Variants in CNTNAP2 observed in about 807,000 individuals in gnomAD.
CNTNAP2 encodes the protein contactin associated protein 2.
A neutral mutation model predicts 155.2 loss-of-function variants in CNTNAP2; 98 were observed. The observed-to-expected ratio is 0.63, with a 90% CI of 0.54 to 0.75. The LOEUF (loss-of-function observed/expected upper bound fraction) is 0.75. Among genes scored for constraint, CNTNAP2 ranks in the 30% least tolerant of loss-of-function variants. The probability of loss-of-function intolerance (pLI) is 0.00; values close to 1 mark genes in which losing one functional copy is unlikely to be tolerated. For missense variants in CNTNAP2, 1,727 were observed against 1,688.1 expected (o/e 1.02, Z -0.40); for synonymous variants, 651 against 631.2 (o/e 1.03, Z -0.47).
In CNTNAP2 at chr7:147,691,287, T is replaced by A. The variant is rs1796082961; in HGVS notation, c.2098+51981T>A. On this transcript the variant is annotated intron_variant, in intron 13 of 23. Transcript: ENST00000361727. ...TTAAGTTTCATCTGTATTATTAACA[T>A]TTTTTCCGTTCTCTCTTCAGTTTGA... Among the ~76,000 whole-genome samples, 3 of 147,578 alleles carry A rather than the reference T, an allele frequency of 2.0e-5. No individual in the cohort carries two copies. The South Asian group carries it at 6.2e-4, about 31-fold the overall frequency.
intron 1 of CNTNAP2, among the ~76,000 whole-genome samples, chr7:146,290,476 C>A (rs1370971584): frequency 6.6e-6 from 1 of 152,168 alleles, no homozygotes; most frequent in Non-Finnish European, 1.5e-5. Flanking sequence ...AATTCTGAAG[C>A]ACAGCAAAGC....
intron 18 of CNTNAP2, among the ~76,000 whole-genome samples, chr7:148,200,809 T>C (rs2116730852): frequency 6.6e-6 from 1 of 152,336 alleles, no homozygotes; most frequent in South Asian, 2.1e-4. Flanking sequence ...GATGTGTGAC[T>C]GCAGGCAGGT....
At chr7:147,655,969 TC>T (rs1795519703) in intron 13 of CNTNAP2, among the ~76,000 whole-genome samples, 1 of 152,250 alleles carries the variant, frequency 6.6e-6, no homozygotes, top group Non-Finnish European at 1.5e-5. Flanking sequence ...AGCTGGAACT[TC>T]TAGGTAACTT....
chr7:147,608,192 A>G (rs1801109077), intron 12 of CNTNAP2, among the ~76,000 whole-genome samples: 1 of 138,920 alleles, frequency 7.2e-6, no homozygotes, highest in African/African-American at 2.7e-5. Context: ...AATAATTATT[A>G]TCTTACTGTT....
At chr7:147,922,043 C>A (rs1800291135) in intron 14 of CNTNAP2, among the ~76,000 whole-genome samples, 1 of 152,166 alleles carries the variant, frequency 6.6e-6, no homozygotes, top group Non-Finnish European at 1.5e-5. Flanking sequence ...TAGCCATATA[C>A]AAATTATCCC....
chr7:146,232,866 T>C (rs1799409277), intron 1 of CNTNAP2, among the ~76,000 whole-genome samples: 1 of 152,048 alleles, frequency 6.6e-6, no homozygotes, highest in South Asian at 2.1e-4. Context: ...GTCAAAGACA[T>C]TGGGGGATAC....
chr7:147,757,740 C>T (rs1797233585), intron 13 of CNTNAP2, among the ~76,000 whole-genome samples: 1 of 152,066 alleles, frequency 6.6e-6, no homozygotes, highest in South Asian at 2.1e-4. Context: ...TAGCCTGGAT[C>T]TTAATAATTA....
At chr7:146,777,790 A>C (rs1333742511) in intron 2 of CNTNAP2, among the ~76,000 whole-genome samples, 1 of 152,120 alleles carries the variant, frequency 6.6e-6, no homozygotes, top group Non-Finnish European at 1.5e-5. Flanking sequence ...GGACAACAAA[A>C]TATTTTCTTC....
intron 4 of CNTNAP2, among the ~76,000 whole-genome samples, chr7:147,102,792 G>T (rs1269999742): frequency 1.3e-5 from 2 of 152,020 alleles, no homozygotes; most frequent in African/African-American, 4.8e-5. Flanking sequence ...AAAAAGAAAG[G>T]CAGTGGGTTA....
intron 3 of CNTNAP2, among the ~76,000 whole-genome samples, chr7:147,000,128 T>C (rs1052415456): frequency 1.3e-5 from 2 of 151,950 alleles, no homozygotes; most frequent in Non-Finnish European, 2.9e-5. Context: ...AGAATCCTCT[T>C]CCACTTACGA....
chr7:146,621,498 T>C (rs1045643161), intron 1 of CNTNAP2, among the ~76,000 whole-genome samples: 5 of 152,208 alleles, frequency 3.3e-5, no homozygotes, highest in Admixed American at 6.5e-5. Flanking sequence ...TCTCAGACTT[T>C]ACTTACTTAT....
intron 11 of CNTNAP2, among the ~76,000 whole-genome samples, chr7:147,543,555 G>T (rs755982504): frequency 2.0e-5 from 3 of 152,090 alleles, no homozygotes; most frequent in Non-Finnish European, 1.5e-5. Flanking sequence ...GTTCTGTTTT[G>T]CATTCTCATT....
intron 21 of CNTNAP2, among the ~76,000 whole-genome samples, chr7:148,317,415 G>A (rs754036728): frequency 2.4e-4 from 36 of 152,066 alleles, no homozygotes; most frequent in Non-Finnish European, 4.3e-4. Context: ...TCAAGAATCA[G>A]GCCAAGTGCT....
intron 13 of CNTNAP2, among the ~76,000 whole-genome samples, chr7:147,879,463 A>T (rs977279599): frequency 2.0e-5 from 3 of 149,048 alleles, no homozygotes; most frequent in South Asian, 2.1e-4. Context: ...AAAGATGGAA[A>T]TTTTTTTTTT....
intron 9 of CNTNAP2, among the ~76,000 whole-genome samples, chr7:147,370,342 A>G (rs1584905635): frequency 6.6e-6 from 1 of 152,274 alleles, no homozygotes; most frequent in African/African-American, 2.4e-5. Context: ...GCCACACCAC[A>G]CGTCCTTGGG....
chr7:147,064,217 A>G (rs1478924168), intron 4 of CNTNAP2, among the ~76,000 whole-genome samples: 5 of 138,642 alleles, frequency 3.6e-5, no homozygotes, highest in East Asian at 4.3e-4. Context: ...TCCTAGAAAT[A>G]GTGTATTGAG....
At position 146,542,661 on chromosome 7, in the gene CNTNAP2, T is replaced by C. The variant is rs6946987; in HGVS notation, c.98-231610T>C. Among the ~76,000 whole-genome samples the C allele has an allele frequency of 2.4e-3, 362 of 152,040 alleles. 5 individuals are homozygous for C. Among genetic ancestry groups the C allele is most frequent in the African/African-American group, 8.4e-3 (347 of 41,508 alleles). The stretch of plus-strand genomic sequence containing the variant: ...GCATTTTAATAAGTCTGACTTTAAC[T>C]GTAATGGTGTTGGTTGCTCTTAGCT... On this transcript the variant is annotated intron_variant, in intron 1 of 23. Transcript: ENST00000361727.
intron 2 of CNTNAP2, among the ~76,000 whole-genome samples, chr7:146,807,022 G>GA (rs1224073883): frequency 6.6e-6 from 1 of 151,942 alleles, no homozygotes; most frequent in Non-Finnish European, 1.5e-5. Context: ...CCCCTTAAAT[G>GA]AAAAAATGAA....
At chr7:146,172,113 A>T (rs1391193253) in intron 1 of CNTNAP2, among the ~76,000 whole-genome samples, 1 of 128,910 alleles carries the variant, frequency 7.8e-6, no homozygotes, top group Non-Finnish European at 1.6e-5. Context: ...TTTTGTTACC[A>T]GTTCGTGTTA....
Sources: allele counts gnomAD v4.1 joint callset (sites outside exome capture counted in the v4.1 genomes callset), GRCh38; gene constraint gnomAD v4.1.1; transcripts MANE v1.5; gene names NCBI Gene and HGNC (gene_info 2026-07-23, HGNC 2026-07-21).